Variants in MACROD2 observed in about 807,000 individuals in gnomAD.
MACROD2 encodes the protein ADP-ribose glycohydrolase MACROD2.
Under a neutral mutation model 70.4 loss-of-function variants are expected in MACROD2, and 36 were observed. That is an observed-to-expected ratio of 0.51 (90% CI 0.39 to 0.68). The LOEUF is 0.68. MACROD2 is among the 30% of genes least tolerant of loss of function. MACROD2 has a pLI of 0.00. For synonymous variants in MACROD2, 172 were observed against 178.8 expected (o/e 0.96, Z 0.30); for missense variants, 496 against 538.4 (o/e 0.92, Z 0.78).
At chr20:15,542,474 T>C (rs993181173) in intron 8 of MACROD2, among the ~76,000 whole-genome samples, 8 of 152,158 alleles carry the variant, frequency 5.3e-5, no homozygotes, top group Admixed American at 2.6e-4. Context: ...ATGACCATAA[T>C]AGCCATCGAT....
chr20:15,826,055 A>C (rs906773675), intron 8 of MACROD2, among the ~76,000 whole-genome samples: 2 of 152,224 alleles, frequency 1.3e-5, no homozygotes, highest in African/African-American at 4.8e-5. Context: ...GATTCATCAG[A>C]AGGCAGTGCT....
chr20:14,826,999 C>T (rs796685800), intron 5 of MACROD2, among the ~76,000 whole-genome samples: 78 of 152,168 alleles, frequency 5.1e-4, no homozygotes, highest in African/African-American at 1.6e-3. Flanking sequence ...AGTATGAGAG[C>T]TCGGACTTAA....
At chr20:15,010,964 T>G (rs1215578050) in intron 5 of MACROD2, among the ~76,000 whole-genome samples, 1 of 152,096 alleles carries the variant, frequency 6.6e-6, no homozygotes, top group African/African-American at 2.4e-5. Flanking sequence ...TATTTTGGAG[T>G]GACATCCTCA....
Position 15,989,099 on chromosome 20 carries a change from G to A in MACROD2, c.1153+1941G>A, listed in dbSNP as rs137942166. On this transcript the variant is annotated intron_variant, in intron 15 of 17. Coordinates refer to ENST00000684519, the MANE Select transcript of MACROD2 (RefSeq NM_001351661.2). ...ATGGTGCAAATTTAATAAGTAAAACGTGCAAAGCAATTAAAACAATGCATG... is the reference window on the plus strand; with the variant it reads ...ATGGTGCAAATTTAATAAGTAAAACATGCAAAGCAATTAAAACAATGCATG... Among the ~76,000 whole-genome samples the A allele has an allele frequency of 4.3e-3, 661 of 152,202 alleles. 7 individuals are homozygous for A. Among genetic ancestry groups the A allele is most frequent in the African/African-American group, 0.015 (622 of 41,534 alleles).
At chr20:15,172,016 C>T (rs79442437) in intron 5 of MACROD2, among the ~76,000 whole-genome samples, 4,579 of 152,258 alleles carry the variant, frequency 0.03, 229 homozygotes, top group African/African-American at 0.11. Flanking sequence ...TTAGAGCTTT[C>T]CAGAAGGGAA....
Position 14,122,868 on chromosome 20 carries a change from T to C in MACROD2, c.271+37140T>C, listed in dbSNP as rs138499968. On this transcript the variant is annotated intron_variant, in intron 3 of 17. Coordinates refer to ENST00000684519, the MANE Select transcript of MACROD2 (RefSeq NM_001351661.2). ...CTCATCCACACAGTGACTGTGTCTA[T>C]CTATCTGGCCCATAAAACTCCTTTC... Among the ~76,000 whole-genome samples the C allele has an allele frequency of 1.8e-4, 28 of 152,256 alleles. No individual in the cohort carries two copies. The East Asian group carries it at 4.8e-3, about 26-fold the overall frequency.
intron 6 of MACROD2, among the ~76,000 whole-genome samples, chr20:15,344,370 T>G (rs2078141600): frequency 6.6e-6 from 1 of 152,096 alleles, no homozygotes; most frequent in South Asian, 2.1e-4. Context: ...ATGGTTCATT[T>G]TTGTATGGAC....
chr20:15,757,372 AT>A (rs201520283), intron 8 of MACROD2, among the ~76,000 whole-genome samples: 7,862 of 149,672 alleles, frequency 0.053, 253 homozygotes, highest in Middle Eastern at 0.086. Context: ...TAGTAGGGCA[AT>A]TTTTTTTTTT....
At chr20:15,411,180 A>ACAC (rs1555815604) in intron 6 of MACROD2, among the ~76,000 whole-genome samples, 2 of 149,250 alleles carry the variant, frequency 1.3e-5, no homozygotes, top group East Asian at 1.9e-4. Context: ...ACACACACAC[A>ACAC]AAGCTGAGAG....
intron 12 of MACROD2, among the ~76,000 whole-genome samples, chr20:15,947,049 G>A (rs2147354291): frequency 6.6e-6 from 1 of 152,258 alleles, no homozygotes; most frequent in South Asian, 2.1e-4. Flanking sequence ...AAATAATAAA[G>A]CAGCATTGCT....
At chr20:14,702,369 C>T (rs2071206255) in intron 5 of MACROD2, among the ~76,000 whole-genome samples, 1 of 151,332 alleles carries the variant, frequency 6.6e-6, no homozygotes, top group South Asian at 2.1e-4. Context: ...TCCAGAGCAA[C>T]CCACTCTTAA....
intron 5 of MACROD2, among the ~76,000 whole-genome samples, chr20:15,206,056 C>A (rs897929720): frequency 1.3e-5 from 2 of 152,096 alleles, no homozygotes; most frequent in Admixed American, 1.3e-4. Flanking sequence ...TGAGAAGGTA[C>A]CCCTTTGCCT....
intron 8 of MACROD2, among the ~76,000 whole-genome samples, chr20:15,774,879 G>A (rs2051695487): frequency 6.6e-6 from 1 of 152,082 alleles, no homozygotes; most frequent in African/African-American, 2.4e-5. Context: ...ATTGAATTTG[G>A]ATTTGATCCT....
At chr20:15,405,105 A>C (rs906018586) in intron 6 of MACROD2, among the ~76,000 whole-genome samples, 1 of 152,162 alleles carries the variant, frequency 6.6e-6, no homozygotes, top group African/African-American at 2.4e-5. Flanking sequence ...CAGAATGTGT[A>C]TTAGTGGTTG....
At chr20:15,290,056 A>G (rs1356578972) in intron 6 of MACROD2, among the ~76,000 whole-genome samples, 2 of 152,256 alleles carry the variant, frequency 1.3e-5, no homozygotes, top group East Asian at 3.9e-4. Context: ...CATGACAACA[A>G]TAACAAGAAG....
intron 3 of MACROD2, among the ~76,000 whole-genome samples, chr20:14,251,253 T>A (rs2082010222): frequency 6.6e-6 from 1 of 152,130 alleles, no homozygotes; most frequent in East Asian, 1.9e-4. Flanking sequence ...CATATCCTCT[T>A]TTTCTCTTGG....
intron 3 of MACROD2, among the ~76,000 whole-genome samples, chr20:14,397,312 A>G (rs1207595579): frequency 6.6e-6 from 1 of 152,104 alleles, no homozygotes; most frequent in African/African-American, 2.4e-5. Flanking sequence ...CATTTAACAT[A>G]AATATTGATA....
intron 3 of MACROD2, among the ~76,000 whole-genome samples, chr20:14,215,525 C>G (rs1569210021): frequency 6.6e-6 from 1 of 152,080 alleles, no homozygotes; most frequent in Admixed American, 6.6e-5. Context: ...AGGTACCCCC[C>G]CAGTAATGGG....
chr20:14,684,795 T>C, intron 4 of MACROD2, 48 bp from the exon 5 acceptor site: 2 of 1,487,812 alleles, frequency 1.3e-6, no homozygotes, highest in South Asian at 1.1e-5. Flanking sequence ...AGCTTTATAT[T>C]TATTTCCAAA....
Sources: gnomAD v4.1 joint callset for allele counts (sites outside exome capture counted in the v4.1 genomes callset) on GRCh38, gnomAD v4.1.1 for gene constraint, MANE v1.5 for transcripts, NCBI Gene and HGNC (gene_info 2026-07-23, HGNC 2026-07-21) for gene names.